Variants in DEPTOR observed in about 807,000 individuals in gnomAD.
DEPTOR encodes the protein DEP domain-containing mTOR-interacting protein.
DEPTOR carries 41 observed loss-of-function variants against 41.6 expected under a neutral mutation model. The observed-to-expected ratio is 0.98, with a 90% CI of 0.77 to 1.28. The LOEUF is 1.28. Among genes scored for constraint, DEPTOR ranks in the 50% most tolerant of loss-of-function variants. The pLI, the probability that DEPTOR is intolerant of heterozygous loss-of-function variation, is 0.00. For synonymous variants in DEPTOR, 195 were observed against 192.3 expected (o/e 1.01, Z -0.12); for missense variants, 514 against 527.9 (o/e 0.97, Z 0.26).
chr8:119,904,195 G>A (rs957992534), intron 1 of DEPTOR, among the ~76,000 whole-genome samples: 6 of 151,528 alleles, frequency 4.0e-5, no homozygotes, highest in Admixed American at 1.3e-4. Context: ...TCAGCTCACT[G>A]CAACCTCCAC....
At chr8:119,963,523 G>T (rs967815479) in intron 3 of DEPTOR, among the ~76,000 whole-genome samples, 4 of 151,932 alleles carry the variant, frequency 2.6e-5, no homozygotes, top group African/African-American at 9.6e-5. Flanking sequence ...TAATTTTTTT[G>T]TATTTTTAAT....
At chr8:119,988,965 T>TTTC (rs1563583798) in intron 4 of DEPTOR, among the ~76,000 whole-genome samples, 1 of 142,306 alleles carries the variant, frequency 7.0e-6, no homozygotes, top group Admixed American at 7.1e-5. Flanking sequence ...TTTCTTTTTT[T>TTTC]TTTTTTTTTT....
intron 8 of DEPTOR, 57 bp downstream of exon 8, chr8:120,009,190 A>G (rs1267949266): frequency 6.8e-7 from 1 of 1,464,866 alleles, no homozygotes; most frequent in Non-Finnish European, 9.4e-7. Context: ...TTCATGCTAA[A>G]TTGGCCATGA....
chr8:119,898,302 G>A lies in DEPTOR; in HGVS notation c.122+24334G>A, dbSNP rs74803866. ...TGTACGTGTGTGAATGTGTTTCTGC[G>A]GTTTCTATACGGTTAAACTAAGGAA... On this transcript the variant is annotated intron_variant, in intron 1 of 8. Transcript: ENST00000286234. Among the ~76,000 whole-genome samples, 60 of 152,160 alleles carry A rather than the reference G, an allele frequency of 3.9e-4. 2 individuals carry two copies. The East Asian group carries it at 0.011, about 28-fold the overall frequency.
chr8:119,977,771 G>A (rs1828714506), intron 4 of DEPTOR, among the ~76,000 whole-genome samples: 1 of 152,114 alleles, frequency 6.6e-6, no homozygotes, highest in Non-Finnish European at 1.5e-5. Flanking sequence ...CTTATCTTAT[G>A]TAATATTTTG....
At chr8:119,895,993 ACT>A (rs1230261355) in intron 1 of DEPTOR, among the ~76,000 whole-genome samples, 2 of 151,788 alleles carry the variant, frequency 1.3e-5, no homozygotes, top group East Asian at 1.9e-4. Flanking sequence ...ACTTTTTAAC[ACT>A]CTATTTTATG....
chr8:119,913,810 T>C (rs1445829715), intron 1 of DEPTOR, among the ~76,000 whole-genome samples: 1 of 152,124 alleles, frequency 6.6e-6, no homozygotes, highest in Non-Finnish European at 1.5e-5. Context: ...TGACTCCTCC[T>C]AGAGACAACA....
At chr8:119,982,113 A>G (rs1044864007) in intron 4 of DEPTOR, among the ~76,000 whole-genome samples, 3 of 151,594 alleles carry the variant, frequency 2.0e-5, no homozygotes, top group Non-Finnish European at 4.4e-5. Context: ...CTATATTAGC[A>G]TTATGGAGAC....
At chr8:119,895,268 T>C (rs891542638) in intron 1 of DEPTOR, among the ~76,000 whole-genome samples, 7 of 152,244 alleles carry the variant, frequency 4.6e-5, no homozygotes, top group African/African-American at 1.7e-4. Context: ...TAGTACCTTG[T>C]ATAGACTTCC....
chr8:120,005,575 G>C (rs1563589528), intron 6 of DEPTOR, among the ~76,000 whole-genome samples: 2 of 152,188 alleles, frequency 1.3e-5, no homozygotes, highest in Non-Finnish European at 2.9e-5. Flanking sequence ...AAGGGGATCG[G>C]AGGATGCCAC....
In DEPTOR at chr8:120,050,093, T is replaced by C. The variant is rs778275583; in HGVS notation, c.*389T>C. On this transcript the variant is annotated 3_prime_UTR_variant, in exon 9 of 9. Coordinates refer to ENST00000286234, the MANE Select transcript of DEPTOR (RefSeq NM_022783.4). Reference sequence around the variant, plus strand: ...TAGAGTAGTTGTTAAAGGTTTTAAATTGTACTTTCTCCAAAATTAGCATGC... The same window carrying C: ...TAGAGTAGTTGTTAAAGGTTTTAAACTGTACTTTCTCCAAAATTAGCATGC... 3.8e-4 allele frequency: 59 copies of C among 155,270 alleles called. No homozygotes were observed. The highest frequency in any genetic ancestry group is 6.3e-4 in the Non-Finnish European group (44 of 70,036). 9.6% of individuals were successfully genotyped at this position (155,270 alleles called of 1,614,324 possible).
intron 4 of DEPTOR, among the ~76,000 whole-genome samples, chr8:119,982,014 TAAAAAAAAAAAAA>T (rs35334859): frequency 3.7e-4 from 24 of 65,694 alleles, no homozygotes; most frequent in Non-Finnish European, 4.2e-4. Context: ...ATTCCATCTC[TAAAAAAAAAAAAA>T]AAAAAAAAAA....
At chr8:120,018,520 C>A (rs934911609) in intron 8 of DEPTOR, among the ~76,000 whole-genome samples, 1 of 152,024 alleles carries the variant, frequency 6.6e-6, no homozygotes, top group Non-Finnish European at 1.5e-5. Flanking sequence ...TGGAGGTTGC[C>A]GTGAACCAAG....
At chr8:119,919,316 A>G (rs1334919259) in intron 1 of DEPTOR, among the ~76,000 whole-genome samples, 1 of 152,202 alleles carries the variant, frequency 6.6e-6, no homozygotes, top group Non-Finnish European at 1.5e-5. Flanking sequence ...GTAGAAACAT[A>G]TAGTGACCTC....
At chr8:120,037,964 T>A (rs756872900) in intron 8 of DEPTOR, among the ~76,000 whole-genome samples, 4 of 152,116 alleles carry the variant, frequency 2.6e-5, no homozygotes, top group Admixed American at 2.6e-4. Context: ...AAAAGTCAAA[T>A]GCAGTGTTCT....
intron 6 of DEPTOR, among the ~76,000 whole-genome samples, chr8:120,003,798 C>T (rs1453467049): frequency 2.0e-5 from 3 of 152,156 alleles, no homozygotes; most frequent in African/African-American, 7.2e-5. Flanking sequence ...TGAACATGTA[C>T]TTAGAAACAA....
rs16893348 is a variant in DEPTOR, at chr8:119,947,837, A to G, written c.426-17395A>G. 5.1e-3 allele frequency among the ~76,000 whole-genome samples: 783 copies of G among 152,226 alleles called. 10 individuals are homozygous for G. Among genetic ancestry groups the G allele is most frequent in the African/African-American group, 0.018 (746 of 41,542 alleles). On this transcript the variant is annotated intron_variant, in intron 3 of 8. Transcript: ENST00000286234. ...CAGAATTTTTCCATGGCTATCACCTATAGGCAATGAAGCATTTCTGACCTA... is the reference window on the plus strand; with the variant it reads ...CAGAATTTTTCCATGGCTATCACCTGTAGGCAATGAAGCATTTCTGACCTA...
intron 8 of DEPTOR, among the ~76,000 whole-genome samples, chr8:120,038,379 C>T (rs1213914211): frequency 6.6e-6 from 1 of 151,692 alleles, no homozygotes; most frequent in African/African-American, 2.4e-5. Context: ...GCAGGTGGAT[C>T]GCCTGAGCTC....
chr8:119,879,180 A>C (rs1827266579), intron 1 of DEPTOR, among the ~76,000 whole-genome samples: 1 of 152,144 alleles, frequency 6.6e-6, no homozygotes, highest in African/African-American at 2.4e-5. Flanking sequence ...GACAGTCACA[A>C]GTGTTTGTGA....
Sources: allele counts gnomAD v4.1 joint callset (sites outside exome capture counted in the v4.1 genomes callset), GRCh38; gene constraint gnomAD v4.1.1; transcripts MANE v1.5; gene names NCBI Gene and HGNC (gene_info 2026-07-23, HGNC 2026-07-21).